The following SHROOM3 variants were observed in gnomAD, a reference collection of about 807,000 sequenced individuals.
SHROOM3 encodes the protein protein Shroom3.
SHROOM3 carries 47 observed loss-of-function variants against 138.6 expected under a neutral mutation model. The observed-to-expected ratio is 0.34, with a 90% CI of 0.27 to 0.43. The LOEUF (loss-of-function observed/expected upper bound fraction) is 0.43. Among genes scored for constraint, SHROOM3 ranks in the 20% least tolerant of loss-of-function variants. The probability of loss-of-function intolerance (pLI) is 1.00; values close to 1 mark genes in which losing one functional copy is unlikely to be tolerated. For missense variants in SHROOM3, 2,491 were observed against 2,596.5 expected, an observed-to-expected ratio of 0.96 and a Z score of 0.88; for synonymous variants, 1,062 against 1,063.3, an observed-to-expected ratio of 1.00 and a Z score of 0.02.
chr4:76,564,299 A>AT (rs2110034299), intron 2 of SHROOM3, among the ~76,000 whole-genome samples: 1 of 151,990 alleles, frequency 6.6e-6, no homozygotes, highest in African/African-American at 2.4e-5. Flanking sequence ...CCTTCTAAAC[A>AT]TTTTTTCCAC....
At chr4:76,711,988 A>T (rs1171198866) in intron 3 of SHROOM3, among the ~76,000 whole-genome samples, 2 of 152,190 alleles carry the variant, frequency 1.3e-5, no homozygotes, top group African/African-American at 4.8e-5. Context: ...GCTCCCAGAG[A>T]CATCCTAAGA....
At chr4:76,631,203 CTTTTTT>C (rs71212436) in intron 2 of SHROOM3, among the ~76,000 whole-genome samples, 38 of 104,190 alleles carry the variant, frequency 3.6e-4, no homozygotes, top group East Asian at 8.7e-4. Flanking sequence ...TTTTTTTAAT[CTTTTTT>C]TTTTTTTTTT....
chr4:76,519,787 G>C (rs529882185), intron 1 of SHROOM3, among the ~76,000 whole-genome samples: 1 of 152,292 alleles, frequency 6.6e-6, no homozygotes, highest in South Asian at 2.1e-4. Flanking sequence ...GTGCATCTGG[G>C]TGTATTATTC....
chr4:76,709,979 G>A (rs147837899), intron 2 of SHROOM3, 177 bp from the exon 3 acceptor site: 59 of 658,610 alleles, frequency 9.0e-5, no homozygotes, highest in Non-Finnish European at 1.3e-4. Flanking sequence ...TAGTGGATTC[G>A]CCTTCGTAGG....
At chr4:76,552,209 TA>T (rs1405764274) in intron 1 of SHROOM3, among the ~76,000 whole-genome samples, 6 of 150,098 alleles carry the variant, frequency 4.0e-5, no homozygotes, top group Non-Finnish European at 5.9e-5. Flanking sequence ...TTATATATAT[TA>T]AAATAGTATA....
chr4:76,778,923 C>T lies in SHROOM3; in HGVS notation c.5737C>T (p.Leu1913Phe). 6.2e-7 allele frequency: 1 copy of T among 1,613,826 alleles called. No homozygotes were observed. The change falls in exon 11 of 11, where the codon CTT (leucine) becomes TTT (phenylalanine). Residue 1913 changes from leucine (L) to phenylalanine (F), a missense_variant. By Grantham distance (22) the Leu-to-Phe change is conservative. Coordinates refer to ENST00000296043, the MANE Select transcript of SHROOM3 (RefSeq NM_020859.4). Reference protein sequence around the residue: ...RVVLGILANYLSEEQLQDYQH... With the variant: ...RVVLGILANYFSEEQLQDYQH... ...AGTGCTGGGCATCTTGGCCAATTACCTTTCAGAGGAGCAGCTCCAGGACTA... is the reference window on the plus strand; with the variant it reads ...AGTGCTGGGCATCTTGGCCAATTACTTTTCAGAGGAGCAGCTCCAGGACTA...
chr4:76,455,516 T>A (rs902286571), intron 1 of SHROOM3, among the ~76,000 whole-genome samples: 2 of 151,858 alleles, frequency 1.3e-5, no homozygotes. Context: ...AATGATATAA[T>A]AAATAGGGAT....
At chr4:76,454,925 AT>A (rs573052078) in intron 1 of SHROOM3, among the ~76,000 whole-genome samples, 185 of 152,014 alleles carry the variant, frequency 1.2e-3, no homozygotes, top group Middle Eastern at 6.8e-3. Context: ...TGTATATGGA[AT>A]TTTTTTTATT....
chr4:76,614,756 T>C (rs1734837628), intron 2 of SHROOM3, among the ~76,000 whole-genome samples: 1 of 152,204 alleles, frequency 6.6e-6, no homozygotes, highest in Non-Finnish European at 1.5e-5. Context: ...CCATCACAAA[T>C]GACTCAATTT....
At chr4:76,457,585 G>A (rs554558254) in intron 1 of SHROOM3, among the ~76,000 whole-genome samples, 5 of 151,284 alleles carry the variant, frequency 3.3e-5, no homozygotes, top group Admixed American at 6.6e-5. Context: ...TCTGCCTCCT[G>A]GGTTCAAGCG....
At chr4:76,708,389 A>C (rs1305764819) in intron 2 of SHROOM3, among the ~76,000 whole-genome samples, 1 of 152,076 alleles carries the variant, frequency 6.6e-6, no homozygotes, top group Non-Finnish European at 1.5e-5. Flanking sequence ...TTGTGCAAAA[A>C]AAAAAAAAAG....
At chr4:76,756,965 G>A (rs374009482) in intron 8 of SHROOM3, 28 bp downstream of exon 8, 172 of 1,613,230 alleles carry the variant, frequency 1.1e-4, no homozygotes, top group Non-Finnish European at 1.4e-4. Context: ...TCCTCAGAGA[G>A]ACTTACAATC....
intron 1 of SHROOM3, among the ~76,000 whole-genome samples, chr4:76,441,849 A>C (rs1238829675): frequency 6.6e-6 from 1 of 152,140 alleles, no homozygotes; most frequent in African/African-American, 2.4e-5. Flanking sequence ...CAGCCTCCCA[A>C]GTAGCTGGGA....
At chr4:76,536,565 G>T (rs571617229) in intron 1 of SHROOM3, among the ~76,000 whole-genome samples, 6 of 152,264 alleles carry the variant, frequency 3.9e-5, no homozygotes, top group Non-Finnish European at 7.4e-5. Context: ...GTTTATACAA[G>T]ATCATAACTT....
intron 2 of SHROOM3, among the ~76,000 whole-genome samples, chr4:76,591,139 C>T (rs7666540): frequency 0.28 from 43,030 of 152,048 alleles, 6,600 homozygotes; most frequent in East Asian, 0.42. Flanking sequence ...ATGATAAATA[C>T]ATGAAGCCTG....
chr4:76,554,962 G>A (rs183523220), intron 1 of SHROOM3, among the ~76,000 whole-genome samples: 1 of 151,496 alleles, frequency 6.6e-6, no homozygotes, highest in African/African-American at 2.4e-5. Flanking sequence ...GAGGGATCTA[G>A]GTAGCACACT....
Position 76,754,984 on chromosome 4 carries a change from CATG to C in SHROOM3, c.4503_4505del (p.His1501_Glu1502delinsGln), listed in dbSNP as rs373386230. 422 of 1,613,950 alleles carry C rather than the reference CATG, an allele frequency of 2.6e-4. 3 individuals carry two copies. Among genetic ancestry groups the C allele is most frequent in the South Asian group, 1.7e-3 (157 of 91,072 alleles). On this transcript the variant is annotated inframe_deletion, in exon 7 of 11. Transcript: ENST00000296043. The stretch of plus-strand genomic sequence containing the variant: ...TGTCCTGCGGGACTCCCCGCCACCT[CATG>C]AGGATTATGAAGACGAAGTGTTTGT...
intron 2 of SHROOM3, among the ~76,000 whole-genome samples, chr4:76,602,965 ATTTT>A (rs1281643246): frequency 2.0e-5 from 3 of 152,174 alleles, no homozygotes; most frequent in Admixed American, 2.0e-4. Flanking sequence ...AAGATACATT[ATTTT>A]TATTGTCATC....
At position 76,552,016 on chromosome 4, in the gene SHROOM3, C is replaced by T. The variant is rs530386925; in HGVS notation, c.169-3593C>T. On this transcript the variant is annotated intron_variant, in intron 1 of 10. Coordinates refer to ENST00000296043, the MANE Select transcript of SHROOM3 (RefSeq NM_020859.4). ...AGCTGGGACTACAGGCGCCCGCCAT[C>T]ACGCCCGGCTAATTTTTTGTATCTT... Among the ~76,000 whole-genome samples, 99 of 123,174 alleles carry T rather than the reference C, an allele frequency of 8.0e-4. 2 individuals carry two copies. In the South Asian group the frequency reaches 0.021, roughly 26 times the overall value. The allele number at this position is 123,174 out of a possible 152,430, so 80.8% of individuals were successfully genotyped here. A position where few individuals can be genotyped will look rare whatever the true frequency, so the allele number is the denominator to read the frequency against.
Sources: gnomAD v4.1 joint callset for allele counts (sites outside exome capture counted in the v4.1 genomes callset) on GRCh38, gnomAD v4.1.1 for gene constraint, MANE v1.5 for transcripts, NCBI Gene and HGNC (gene_info 2026-07-23, HGNC 2026-07-21) for gene names.